TEX46: variants seen among roughly 807,000 people sequenced by gnomAD.
TEX46 encodes the protein testis expressed 46.
A neutral mutation model predicts 5.3 loss-of-function variants in TEX46; 6 were observed. That is an observed-to-expected ratio of 1.13 (90% CI 0.62 to 2.23). The LOEUF is 2.23. Among genes scored for constraint, TEX46 ranks in the 30% most tolerant of loss-of-function variants. The pLI, the probability that TEX46 is intolerant of heterozygous loss-of-function variation, is 0.00. For synonymous variants in TEX46, 41 were observed against 54.6 expected, an observed-to-expected ratio of 0.75 and a Z score of 1.10; for missense variants, 131 against 150.9, an observed-to-expected ratio of 0.87 and a Z score of 0.69.
intron 1 of TEX46, 91 bp from the exon 2 acceptor site, chr1:23,014,136 C>G: frequency 6.9e-7 from 1 of 1,453,440 alleles, no homozygotes. Context: ...ACAAGAGTCA[C>G]GGCCACCCAC....
chr1:23,014,245 CTT>C, intron 1 of TEX46, 200 bp from the exon 2 acceptor site: 1 of 582,576 alleles, frequency 1.7e-6, no homozygotes, highest in South Asian at 7.5e-5. Context: ...GTGCCAGACT[CTT>C]TGACAGGCAG....
At chr1:23,011,731 G>T (rs368104543) in intron 2 of TEX46, among the ~76,000 whole-genome samples, 7 of 152,096 alleles carry the variant, frequency 4.6e-5, no homozygotes, top group East Asian at 1.9e-4. Context: ...AGCTTGGGAG[G>T]TCACTTTCTC....
chr1:23,012,006 A>T (rs889157499), intron 2 of TEX46, among the ~76,000 whole-genome samples: 5 of 148,954 alleles, frequency 3.4e-5, no homozygotes, highest in Admixed American at 6.7e-5. Flanking sequence ...AATAACACTT[A>T]TTTTTTTTTT....
chr1:23,011,043 T>C lies in TEX46; in HGVS notation c.224A>G (p.Gln75Arg). 1 of 1,536,070 alleles carries C rather than the reference T, an allele frequency of 6.5e-7. No individual in the cohort carries two copies. The highest frequency in any genetic ancestry group is 1.7e-4 in the Middle Eastern group (1 of 5,990). The change falls in exon 3 of 3, where the codon CAG becomes CGG. Residue 75 changes from glutamine to arginine, a missense_variant. Gln to Arg is a conservative substitution (Grantham distance 43). Transcript: ENST00000566855. Reference protein sequence around the residue: ...SEMKMKVLENQMFIIWNKMNH... With the variant: ...SEMKMKVLENRMFIIWNKMNH... ...CATTTTATTCCATATGATGAACATC[T>C]GATTTTCTAGGACCTTCATCTTCAT...
In TEX46 at chr1:23,015,817, T is replaced by C. The variant is rs1317208697; in HGVS notation, c.-44A>G. On this transcript the variant is annotated 5_prime_UTR_variant, in exon 1 of 3. Transcript: ENST00000566855. ...AAATTCATAGAGGCAAAGAGTAGAA[T>C]GGTGGCTGCCAGGGTCTGGAAGGAG... 1 of 696,324 alleles carries C rather than the reference T, an allele frequency of 1.4e-6. No homozygotes were observed. The highest frequency in any genetic ancestry group is 2.6e-6 in the Non-Finnish European group (1 of 381,992). The allele number at this position is 696,324 out of a possible 1,614,324, so 43.1% of individuals were successfully genotyped here.
At chr1:23,014,710 T>C (rs1348713009) in intron 1 of TEX46, among the ~76,000 whole-genome samples, 4 of 151,928 alleles carry the variant, frequency 2.6e-5, no homozygotes, top group Non-Finnish European at 5.9e-5. Context: ...TGTGCCACTA[T>C]GCCCAGCTAA....
At chr1:23,012,639 A>G (rs921208596) in intron 2 of TEX46, among the ~76,000 whole-genome samples, 1 of 152,112 alleles carries the variant, frequency 6.6e-6, no homozygotes, top group South Asian at 2.1e-4. Context: ...ACATTTGGCA[A>G]TATCTGGAAA....
intron 1 of TEX46, 53 bp from the exon 2 acceptor site, chr1:23,014,098 C>A: frequency 6.6e-7 from 1 of 1,507,414 alleles, no homozygotes; most frequent in Non-Finnish European, 8.8e-7. Flanking sequence ...CACACAGGCC[C>A]CAGGACCCTG....
rs1262303498 is a variant in TEX46, at chr1:23,013,931, G to C, written c.117C>G (p.Asn39Lys). 1.3e-6 allele frequency: 2 copies of C among 1,536,116 alleles called. No homozygotes were observed. The highest frequency in any genetic ancestry group is 2.4e-5 in the South Asian group (2 of 84,068). ...GFLFLLLLLS[N>K]WLVKYEHKLT... ...GCTTGTGTTCATACTTGACCAACCA[G>C]TTGCTAAGCAACAGCAGAAGGAATA... The change falls in exon 2 of 3, where the codon AAC becomes AAG. Residue 39 changes from asparagine (N) to lysine (K), a missense_variant. Asn to Lys is a moderately conservative substitution (Grantham distance 94). Coordinates refer to ENST00000566855, the MANE Select transcript of TEX46 (RefSeq NM_001242521.2).
intron 1 of TEX46, among the ~76,000 whole-genome samples, chr1:23,014,594 C>T (rs1248427449): frequency 5.3e-5 from 8 of 151,666 alleles, no homozygotes; most frequent in Non-Finnish European, 8.8e-5. Context: ...CACTGTGTTG[C>T]CCAGGTTGGA....
chr1:23,013,768 T>G, intron 2 of TEX46, 115 bp downstream of exon 2: 1 of 957,408 alleles, frequency 1.0e-6, no homozygotes, highest in Non-Finnish European at 1.5e-6. Flanking sequence ...AGACCAGTCT[T>G]GGATTCCCCA....
At chr1:23,011,229 G>T (rs1318945678) in intron 2 of TEX46, 128 bp from the exon 3 acceptor site, 2 of 659,244 alleles carry the variant, frequency 3.0e-6, no homozygotes, top group Non-Finnish European at 5.2e-6. Context: ...CCAGGAAAAG[G>T]GGAAAGTTGG....
chr1:23,013,701 G>A (rs138687283), intron 2 of TEX46, among the ~76,000 whole-genome samples, 182 bp downstream of exon 2: 3 of 152,150 alleles, frequency 2.0e-5, no homozygotes, highest in Non-Finnish European at 4.4e-5. Context: ...CTGAGGCCTC[G>A]TGGAGGGAAG....
intron 1 of TEX46, 33 bp downstream of exon 1, chr1:23,015,739 A>G: frequency 1.4e-6 from 1 of 694,850 alleles, no homozygotes; most frequent in East Asian, 2.7e-5. Flanking sequence ...GTCAGTCACA[A>G]AAAAAAAACA....
chr1:23,010,842 G>T lies in TEX46; in HGVS notation c.*59C>A. On this transcript the variant is annotated 3_prime_UTR_variant, in exon 3 of 3. Coordinates refer to ENST00000566855, the MANE Select transcript of TEX46 (RefSeq NM_001242521.2). ...TTACTATGAACATTCAATAGGCTGTGACTGGGTTTTACTGAGGTAAAAGGT... is the reference window on the plus strand; with the variant it reads ...TTACTATGAACATTCAATAGGCTGTTACTGGGTTTTACTGAGGTAAAAGGT... 1 of 1,311,848 alleles carries T rather than the reference G, an allele frequency of 7.6e-7. No individual in the cohort carries two copies. The highest frequency in any genetic ancestry group is 1.0e-6 in the Non-Finnish European group (1 of 958,458). The allele number at this position is 1,311,848 out of a possible 1,614,324, so 81.3% of individuals were successfully genotyped here.
intron 2 of TEX46, among the ~76,000 whole-genome samples, chr1:23,011,583 T>G (rs994489952): frequency 6.6e-6 from 1 of 152,064 alleles, no homozygotes; most frequent in Admixed American, 6.6e-5. Context: ...TAGAAATTTT[T>G]GTATTTGTAT....
chr1:23,012,746 G>A (rs1292309781), intron 2 of TEX46, among the ~76,000 whole-genome samples: 1 of 152,204 alleles, frequency 6.6e-6, no homozygotes, highest in Non-Finnish European at 1.5e-5. Flanking sequence ...GGTGACAGGT[G>A]AGCCTCCCAC....
chr1:23,011,652 C>T (rs1252962625), intron 2 of TEX46, among the ~76,000 whole-genome samples: 3 of 152,124 alleles, frequency 2.0e-5, no homozygotes, highest in Non-Finnish European at 2.9e-5. Context: ...CTCGAACTCC[C>T]GACCTCAGGT....
chr1:23,013,449 A>C (rs1267325502), intron 2 of TEX46, among the ~76,000 whole-genome samples: 3 of 152,262 alleles, frequency 2.0e-5, no homozygotes, highest in Admixed American at 6.5e-5. Context: ...CTGGGATTGC[A>C]GGCGTGAGCC....
Sources: allele counts gnomAD v4.1 joint callset (sites outside exome capture counted in the v4.1 genomes callset), GRCh38; gene constraint gnomAD v4.1.1; transcripts MANE v1.5; gene names NCBI Gene and HGNC (gene_info 2026-07-23, HGNC 2026-07-21).